The following ULK4 variants were observed in gnomAD, a reference collection of about 807,000 sequenced individuals.
The protein encoded by ULK4 is unc-51 like kinase 4, also known as inactive serine/threonine-protein kinase ULK4.
Under a neutral mutation model 160.6 loss-of-function variants are expected in ULK4, and 133 were observed. The ratio of observed to expected loss-of-function variants is 0.83; its 90% CI spans 0.72 to 0.96. The LOEUF is 0.96. ULK4 is among the 40% of genes least tolerant of loss of function. ULK4 has a pLI of 0.00. For synonymous variants in ULK4, 534 were observed against 539.8 expected (o/e 0.99, Z 0.15); for missense variants, 1,580 against 1,499.5 (o/e 1.05, Z -0.89).
At chr3:41,429,399 G>A (rs536461004) in intron 34 of ULK4, among the ~76,000 whole-genome samples, 1 of 152,140 alleles carries the variant, frequency 6.6e-6, no homozygotes, top group African/African-American at 2.4e-5. Context: ...CTATTACTGC[G>A]TATATACTCA....
intron 35 of ULK4, among the ~76,000 whole-genome samples, chr3:41,292,615 C>T (rs546934413): frequency 8.6e-5 from 13 of 151,964 alleles, no homozygotes; most frequent in Non-Finnish European, 1.2e-4. Context: ...CCACTGCATT[C>T]CAGCCTGAGT....
At chr3:41,716,855 C>T (rs2037284227) in intron 23 of ULK4, among the ~76,000 whole-genome samples, 1 of 152,108 alleles carries the variant, frequency 6.6e-6, no homozygotes. Flanking sequence ...GATGTTTTAT[C>T]TTAAGATAAA....
At chr3:41,336,311 C>A (rs2080554095) in intron 35 of ULK4, among the ~76,000 whole-genome samples, 1 of 152,200 alleles carries the variant, frequency 6.6e-6, no homozygotes, top group Non-Finnish European at 1.5e-5. Flanking sequence ...GTGTCCTCTA[C>A]AATCAGTTTA....
intron 2 of ULK4, among the ~76,000 whole-genome samples, chr3:41,939,998 C>G (rs1717020): frequency 6.6e-6 from 1 of 151,616 alleles, no homozygotes; most frequent in African/African-American, 2.4e-5. Flanking sequence ...GGTGTCAAAA[C>G]AAGTTGGGTA....
chr3:41,890,374 T>C (rs559921263), intron 16 of ULK4, among the ~76,000 whole-genome samples: 1 of 151,908 alleles, frequency 6.6e-6, no homozygotes, highest in Non-Finnish European at 1.5e-5. Context: ...AGAAATAATA[T>C]AAAAGCTAAA....
chr3:41,561,718 C>A (rs1008177927), intron 32 of ULK4, among the ~76,000 whole-genome samples: 1 of 152,084 alleles, frequency 6.6e-6, no homozygotes, highest in Non-Finnish European at 1.5e-5. Context: ...TCCTCTTTAT[C>A]ATTTTTTATT....
chr3:41,383,100 T>C lies in ULK4; in HGVS notation c.3678+14979A>G, dbSNP rs543696829. Among the ~76,000 whole-genome samples, 246 of 102,826 alleles carry C rather than the reference T, an allele frequency of 2.4e-3. 3 individuals carry two copies. Among genetic ancestry groups the C allele is most frequent in the African/African-American group, 7.9e-3 (234 of 29,652 alleles). The allele number at this position is 102,826 out of a possible 152,430, so 67.5% of individuals were successfully genotyped here. On this transcript the variant is annotated intron_variant, in intron 35 of 36. Transcript: ENST00000301831. ...GTATTTTTCTTTTTCTTTTTTTTTT[T>C]CTTGTTTTTTTTTCTGACACAGAGT... is the stretch of plus-strand genomic sequence containing the variant.
chr3:41,642,231 C>A (rs941059879), intron 30 of ULK4, among the ~76,000 whole-genome samples: 5 of 151,970 alleles, frequency 3.3e-5, no homozygotes, highest in Admixed American at 3.3e-4. Context: ...GGTACATGTG[C>A]ACAACGTGCA....
chr3:41,418,353 G>A lies in ULK4; in HGVS notation c.3493-20089C>T, dbSNP rs544220165. On this transcript the variant is annotated intron_variant, in intron 34 of 36. Transcript: ENST00000301831. ...TTTTCTTAATTTGGCGGGGGGGGGG[G>A]CACGTTTCTAAGCTACACAGTTTGT... 8.9e-5 allele frequency among the ~76,000 whole-genome samples: 12 copies of A among 135,098 alleles called. 1 individual carries two copies. The highest frequency in any genetic ancestry group is 2.8e-4 in the African/African-American group (10 of 35,756). 88.6% of individuals were successfully genotyped at this position (135,098 alleles called of 152,430 possible).
rs930085374 is a variant in ULK4, at chr3:41,479,779, T to C, written c.3227-16526A>G. 3.9e-5 allele frequency among the ~76,000 whole-genome samples: 6 copies of C among 152,288 alleles called. No individual in the cohort carries two copies. In the East Asian group the frequency reaches 1.2e-3, roughly 29 times the overall value. On this transcript the variant is annotated intron_variant, in intron 32 of 36. Transcript: ENST00000301831. ...ATTTTATCCTGTAGGCAATACAATA[T>C]GGCAACAATTTCTCCCATTGGTTTC...
intron 17 of ULK4, among the ~76,000 whole-genome samples, chr3:41,864,678 C>A (rs2042577549): frequency 6.6e-6 from 1 of 152,056 alleles, no homozygotes; most frequent in African/African-American, 2.4e-5. Flanking sequence ...CTTTGGGAGG[C>A]CAAAGCAAGC....
chr3:41,289,430 A>G (rs1477499086), intron 35 of ULK4, among the ~76,000 whole-genome samples: 1 of 152,232 alleles, frequency 6.6e-6, no homozygotes, highest in African/African-American at 2.4e-5. Context: ...GACAATGATG[A>G]TGAATACTGT....
At chr3:41,293,656 C>A (rs1664795744) in intron 35 of ULK4, among the ~76,000 whole-genome samples, 1 of 152,154 alleles carries the variant, frequency 6.6e-6, no homozygotes, top group East Asian at 1.9e-4. Context: ...AACATGCAAA[C>A]CAAACTATTT....
At chr3:41,597,962 C>A (rs1030242513) in intron 31 of ULK4, among the ~76,000 whole-genome samples, 4 of 152,174 alleles carry the variant, frequency 2.6e-5, no homozygotes, top group African/African-American at 9.7e-5. Flanking sequence ...TAAAGTAAAA[C>A]CAAAAATAAC....
At chr3:41,811,363 C>T (rs534864855) in intron 19 of ULK4, among the ~76,000 whole-genome samples, 9 of 151,968 alleles carry the variant, frequency 5.9e-5, no homozygotes, top group African/African-American at 1.9e-4. Flanking sequence ...TTTTTAGAGA[C>T]GGGGTTTCAT....
chr3:41,707,433 G>A (rs141631114), intron 25 of ULK4, among the ~76,000 whole-genome samples: 8 of 152,160 alleles, frequency 5.3e-5, no homozygotes, highest in South Asian at 2.1e-4. Flanking sequence ...GACAACTTAC[G>A]GAATGGGAAA....
At chr3:41,361,773 G>C (rs886193299) in intron 35 of ULK4, among the ~76,000 whole-genome samples, 6 of 152,094 alleles carry the variant, frequency 3.9e-5, no homozygotes, top group African/African-American at 1.4e-4. Flanking sequence ...ATTTTGATAT[G>C]ATGAATTTTC....
chr3:41,341,286 G>A (rs2080678700), intron 35 of ULK4, among the ~76,000 whole-genome samples: 1 of 152,126 alleles, frequency 6.6e-6, no homozygotes, highest in Admixed American at 6.5e-5. Flanking sequence ...ATATAGCCAG[G>A]CCCTGTGATG....
chr3:41,706,474 A>G (rs1336479349), intron 25 of ULK4, among the ~76,000 whole-genome samples: 1 of 149,174 alleles, frequency 6.7e-6, no homozygotes, highest in Non-Finnish European at 1.5e-5. Context: ...CAAATAAAAC[A>G]TAAGATGACC....
Sources: gnomAD v4.1 joint callset for allele counts (sites outside exome capture counted in the v4.1 genomes callset) on GRCh38, gnomAD v4.1.1 for gene constraint, MANE v1.5 for transcripts, NCBI Gene and HGNC (gene_info 2026-07-23, HGNC 2026-07-21) for gene names.